Variants in PCSK5 observed in about 807,000 individuals in gnomAD.
The protein encoded by PCSK5 is prohormone convertase 5.
Under a neutral mutation model 233.2 loss-of-function variants are expected in PCSK5, and 129 were observed. That is an observed-to-expected ratio of 0.55 (90% CI 0.48 to 0.64). The LOEUF is 0.64. PCSK5 is among the 30% of genes least tolerant of loss of function. PCSK5 has a pLI of 0.00. For missense variants in PCSK5, 2,076 were observed against 2,430.1 expected (o/e 0.85, Z 3.06); for synonymous variants, 825 against 879.2 (o/e 0.94, Z 1.09).
intron 7 of PCSK5, among the ~76,000 whole-genome samples, chr9:76,090,050 A>G (rs191972864): frequency 6.6e-6 from 1 of 152,344 alleles, no homozygotes; most frequent in Admixed American, 6.5e-5. Flanking sequence ...CTAACTTTTA[A>G]TGGAGCACTC....
At chr9:76,142,703 G>A (rs1823276025) in intron 10 of PCSK5, among the ~76,000 whole-genome samples, 2 of 152,164 alleles carry the variant, frequency 1.3e-5, no homozygotes, top group African/African-American at 2.4e-5. Flanking sequence ...AGATACAGAT[G>A]TAGATGTATA....
chr9:76,201,331 T>C, intron 20 of PCSK5, among the ~76,000 whole-genome samples: 1 of 152,204 alleles, frequency 6.6e-6, no homozygotes, highest in Non-Finnish European at 1.5e-5. Flanking sequence ...TATGCTGAGC[T>C]AAAGGCTTCA....
At chr9:76,316,740 CAAAAAAAAAAAAAAAA>C (rs58485029) in intron 30 of PCSK5, among the ~76,000 whole-genome samples, 4 of 64,606 alleles carry the variant, frequency 6.2e-5, no homozygotes, top group Admixed American at 4.4e-4. Context: ...CTTGTCTCAC[CAAAAAAAAAAAAAAAA>C]AAAAAAAAAA....
At position 76,235,064 on chromosome 9, in the gene PCSK5, C is replaced by A. The variant is rs187379712; in HGVS notation, c.2866+1468C>A. Among the ~76,000 whole-genome samples the A allele has an allele frequency of 2.8e-3, 424 of 152,298 alleles. 4 individuals carry two copies. Among genetic ancestry groups the A allele is most frequent in the Non-Finnish European group, 4.0e-3 (270 of 68,036 alleles). ...TCTATTTGGTCCATAAGTTTCTATG[C>A]CCCATAAGAGCATGGCATGGTTTCT... is the stretch of plus-strand genomic sequence containing the variant. On this transcript the variant is annotated intron_variant, in intron 22 of 37. Coordinates refer to ENST00000674117, the MANE Select transcript of PCSK5 (RefSeq NM_001372043.1).
chr9:75,924,603 G>A (rs1193098515), intron 1 of PCSK5, among the ~76,000 whole-genome samples: 9 of 151,762 alleles, frequency 5.9e-5, no homozygotes, highest in African/African-American at 1.7e-4. Context: ...TCTTGCCCCC[G>A]CCCCCCACTC....
At chr9:76,189,346 T>G in intron 19 of PCSK5, 123 bp downstream of exon 19, 1 of 823,204 alleles carries the variant, frequency 1.2e-6, no homozygotes, top group Non-Finnish European at 1.9e-6. Flanking sequence ...CATGTACCTG[T>G]GGACACTGTT....
chr9:75,975,500 C>CT (rs1056456407), intron 2 of PCSK5, among the ~76,000 whole-genome samples: 1 of 152,202 alleles, frequency 6.6e-6, no homozygotes, highest in African/African-American at 2.4e-5. Flanking sequence ...GCATTTGCCT[C>CT]TTTTTTATAC....
At position 76,189,636 on chromosome 9, in the gene PCSK5, A is replaced by T; in HGVS notation, c.2516A>T (p.Asp839Val). Residue 839 changes from aspartate to valine, a missense_variant, in exon 20 of 38, where the codon GAT becomes GTT. Physicochemically the swap from Asp to Val is radical, Grantham distance 152. Around this residue, in one of 6 missense-constraint regions of PCSK5, gnomAD observed 1,510 missense variants for 1,538.1 expected, o/e 0.98. Coordinates refer to ENST00000674117, the MANE Select transcript of PCSK5 (RefSeq NM_001372043.1). The stretch of plus-strand genomic sequence containing the variant: ...ATTGTACATTTTTCTCATAGATGTG[A>T]TATCAGTTGTTTGACGTGCAATGGC... ...ENGYKSCKKC[D>V]ISCLTCNGPG... 6.2e-7 allele frequency: 1 copy of T among 1,601,744 alleles called. No homozygotes were observed. The highest frequency in any genetic ancestry group is 8.6e-7 in the Non-Finnish European group (1 of 1,168,878).
At chr9:75,998,270 T>G (rs1356384233) in intron 3 of PCSK5, among the ~76,000 whole-genome samples, 1 of 152,184 alleles carries the variant, frequency 6.6e-6, no homozygotes, top group Non-Finnish European at 1.5e-5. Context: ...ATGTTTTAAG[T>G]GCTAATTCTG....
intron 7 of PCSK5, among the ~76,000 whole-genome samples, chr9:76,090,975 T>G (rs1055378595): frequency 2.1e-5 from 3 of 144,212 alleles, no homozygotes; most frequent in Middle Eastern, 3.2e-3. Flanking sequence ...TCATAAGAGG[T>G]TCGAGCGCCT....
In PCSK5 at chr9:76,119,938, C is replaced by T. The variant is rs78423372; in HGVS notation, c.1208+12587C>T. 3.4e-3 allele frequency among the ~76,000 whole-genome samples: 511 copies of T among 152,122 alleles called. 4 individuals carry two copies. Among genetic ancestry groups the T allele is most frequent in the African/African-American group, 0.011 (469 of 41,548 alleles). Reference sequence around the variant, plus strand: ...TCTCCTAACCATTTCTACCTCCCCCCAGCACTTCCCATCACCACCCTTCCC... The same window carrying T: ...TCTCCTAACCATTTCTACCTCCCCCTAGCACTTCCCATCACCACCCTTCCC... On this transcript the variant is annotated intron_variant, in intron 9 of 37. Coordinates refer to ENST00000674117, the MANE Select transcript of PCSK5 (RefSeq NM_001372043.1).
chr9:76,270,214 T>G (rs1336640706), intron 24 of PCSK5, among the ~76,000 whole-genome samples: 1 of 152,186 alleles, frequency 6.6e-6, no homozygotes, highest in East Asian at 1.9e-4. Flanking sequence ...TTCAGCAGTT[T>G]TGTTTCTGTT....
intron 1 of PCSK5, among the ~76,000 whole-genome samples, chr9:75,915,070 G>A (rs12115679): frequency 0.054 from 8,257 of 152,206 alleles, 328 homozygotes; most frequent in African/African-American, 0.1. Context: ...TGTTTTGTCC[G>A]TTGGAACCAC....
chr9:76,283,716 T>C (rs1327582909), intron 24 of PCSK5, among the ~76,000 whole-genome samples: 1 of 152,236 alleles, frequency 6.6e-6, no homozygotes, highest in Non-Finnish European at 1.5e-5. Context: ...CCAATGATTA[T>C]TTTGATCTAG....
intron 20 of PCSK5, chr9:76,193,085 T>C: frequency 1.9e-6 from 1 of 533,290 alleles, no homozygotes; most frequent in South Asian, 3.7e-5. Context: ...TCACTTTGGG[T>C]GGACCAAATT....
chr9:76,252,495 C>T (rs1826842947), intron 24 of PCSK5, among the ~76,000 whole-genome samples: 1 of 152,184 alleles, frequency 6.6e-6, no homozygotes, highest in African/African-American at 2.4e-5. Flanking sequence ...TCAAGGCCTA[C>T]ATCTGGAAGG....
Position 76,361,856 on chromosome 9 carries a change from C to T in PCSK5, c.*2934C>T, listed in dbSNP as rs574646802. 10 of 152,294 alleles carry T rather than the reference C, an allele frequency of 6.6e-5. No homozygotes were observed. In the East Asian group the frequency reaches 1.2e-3, roughly 18 times the overall value. 9.4% of individuals were successfully genotyped at this position (152,294 alleles called of 1,614,324 possible). On this transcript the variant is annotated 3_prime_UTR_variant, in exon 38 of 38. Coordinates refer to ENST00000674117, the MANE Select transcript of PCSK5 (RefSeq NM_001372043.1). ...TGTGGTTGCAGTTAGCTTACAAAAACGAGCAATTTTGCTTATACTGTGTTG... is the reference window on the plus strand; with the variant it reads ...TGTGGTTGCAGTTAGCTTACAAAAATGAGCAATTTTGCTTATACTGTGTTG...
intron 5 of PCSK5, among the ~76,000 whole-genome samples, chr9:76,065,178 A>G (rs997728627): frequency 6.6e-6 from 1 of 152,040 alleles, no homozygotes; most frequent in Non-Finnish European, 1.5e-5. Context: ...GGATTGCTGG[A>G]TGATAAGCTA....
chr9:76,021,260 C>T (rs1413347041), intron 3 of PCSK5, among the ~76,000 whole-genome samples: 1 of 152,110 alleles, frequency 6.6e-6, no homozygotes, highest in Non-Finnish European at 1.5e-5. Context: ...CAAGATTCAA[C>T]AGTCAACAAC....
Sources: allele counts gnomAD v4.1 joint callset (sites outside exome capture counted in the v4.1 genomes callset), GRCh38; gene constraint gnomAD v4.1.1; regional missense constraint gnomAD v4.1.1; transcripts MANE v1.5; gene names NCBI Gene and HGNC (gene_info 2026-07-23, HGNC 2026-07-21).